Variants in SYT5 observed in about 807,000 individuals in gnomAD.
SYT5 encodes the protein synaptotagmin 5, also known as synaptotagmin-5.
In SYT5, 29 loss-of-function variants were observed where a neutral mutation model predicts 36.0. The observed-to-expected ratio is 0.81, with a 90% CI of 0.60 to 1.10. The LOEUF (loss-of-function observed/expected upper bound fraction) is 1.10, where lower values mean the gene tolerates loss of function less well. Among genes scored for constraint, SYT5 ranks in the 50% least tolerant of loss-of-function variants. The probability of loss-of-function intolerance (pLI) is 0.00; values close to 1 mark genes in which losing one functional copy is unlikely to be tolerated. For missense variants in SYT5, 512 were observed against 516.0 expected, an observed-to-expected ratio of 0.99 and a Z score of 0.08; for synonymous variants, 231 against 227.6, an observed-to-expected ratio of 1.02 and a Z score of -0.14.
chr19:55,177,342 G>T (rs1257580051), intron 3 of SYT5: 1 of 152,148 alleles, frequency 6.6e-6, no homozygotes, highest in Non-Finnish European at 1.5e-5. Context: ...ATCTGGATAT[G>T]GGGCCTCAAC....
rs1372755266 is a variant in SYT5 at position 55,173,531 on chromosome 19, G to A, written c.1114C>T (p.His372Tyr). ...ANPRRPIAQWHSLRPPDRVRL... is the reference protein window; with the variant it reads ...ANPRRPIAQWYSLRPPDRVRL... ...ACTCGGTCCGGGGGCCGCAGCGAGTGCCACTGGGCAATGGGCCGCCGCGGG... is the reference window on the plus strand; with the variant it reads ...ACTCGGTCCGGGGGCCGCAGCGAGTACCACTGGGCAATGGGCCGCCGCGGG... Residue 372 changes from histidine (H) to tyrosine (Y), a missense_variant, in exon 9 of 9, where the codon CAC becomes TAC. By Grantham distance (83) the His-to-Tyr change is moderately conservative. Coordinates refer to ENST00000354308, the MANE Select transcript of SYT5 (RefSeq NM_003180.3). This position sits in a 1 kb window ranked among gnomAD's most constrained non-coding sequence, Gnocchi z 5.4. 1 of 1,415,160 alleles carries A rather than the reference G, an allele frequency of 7.1e-7. No individual in the cohort carries two copies. The highest frequency in any genetic ancestry group is 9.2e-7 in the Non-Finnish European group (1 of 1,084,878). 87.7% of individuals were successfully genotyped at this position (1,415,160 alleles called of 1,614,324 possible).
At position 55,173,599 on chromosome 19, in the gene SYT5, G is replaced by A; in HGVS notation, c.1046C>T (p.Ala349Val). The change falls in exon 9 of 9, where the codon GCC (alanine) becomes GTC (valine). Residue 349 changes from alanine to valine, a missense_variant. Coordinates refer to ENST00000354308, the MANE Select transcript of SYT5 (RefSeq NM_003180.3). The surrounding 1 kb of genome is among the most constrained non-coding windows in gnomAD (Gnocchi z 5.4). ...CCAGTGCCGCAGGCCAGCCCCGCCGGCGGCCGCCCCCACGGCCACCCTCCC... is the reference window on the plus strand; with the variant it reads ...CCAGTGCCGCAGGCCAGCCCCGCCGACGGCCGCCCCCACGGCCACCCTCCC... ...AIGRVAVGAA[A>V]GGAGLRHWAD... The A allele has an allele frequency of 6.7e-7, 1 of 1,482,564 alleles. No homozygotes were observed. The highest frequency in any genetic ancestry group is 9.0e-7 in the Non-Finnish European group (1 of 1,117,286). 91.8% of individuals were successfully genotyped at this position (1,482,564 alleles called of 1,614,324 possible). A position where few individuals can be genotyped will look rare whatever the true frequency, so the allele number is the denominator to read the frequency against.
chr19:55,174,151 T>TA (rs2086040588), intron 8 of SYT5: 1 of 206,664 alleles, frequency 4.8e-6, no homozygotes, highest in African/African-American at 2.4e-5. Flanking sequence ...TGGTCCCGCT[T>TA]GGGGGCGGGG....
rs1749540436 is a variant in SYT5 at position 55,175,347 on chromosome 19, G to A, written c.541-8C>T. The A allele has an allele frequency of 6.6e-7, 1 of 1,522,948 alleles. No homozygotes were observed. Among genetic ancestry groups the A allele is most frequent in the Non-Finnish European group, 8.8e-7 (1 of 1,139,320 alleles). The allele number at this position is 1,522,948 out of a possible 1,614,324, so 94.3% of individuals were successfully genotyped here. A position where few individuals can be genotyped will look rare whatever the true frequency, so the allele number is the denominator to read the frequency against. On this transcript the variant is annotated splice_region_variant and splice_polypyrimidine_tract_variant and intron_variant, in intron 5 of 8. Transcript: ENST00000354308. The surrounding 1 kb of genome is among the most constrained non-coding windows in gnomAD (Gnocchi z 4.5). ...CAGCTCCACGTAGGGGACCTGGAGT[G>A]CACAGAGAATCCGCAGTAGAGAGCA...
Position 55,175,725 on chromosome 19 carries a change from T to C in SYT5, c.524A>G (p.Glu175Gly). 6.2e-7 allele frequency: 1 copy of C among 1,613,638 alleles called. No homozygotes were observed. The highest frequency in any genetic ancestry group is 8.5e-7 in the Non-Finnish European group (1 of 1,179,982). ...GGAGCTCACCTTGAAGGCGAAGGTC[T>C]CCCCAAAGTGAGGGTTCAGCGTCTG... ...HRQTLNPHFG[E>G]TFAFKVPYVE... The change falls in exon 5 of 9, where the codon GAG (glutamate) becomes GGG (glycine). Residue 175 changes from glutamate to glycine, a missense_variant. Glu to Gly is a moderately conservative substitution (Grantham distance 98). Transcript: ENST00000354308. The surrounding 1 kb of genome is among the most constrained non-coding windows in gnomAD (Gnocchi z 4.5).
In SYT5 at chr19:55,178,275, C is replaced by G; in HGVS notation, c.173G>C (p.Arg58Pro). 4 of 1,610,636 alleles carry G rather than the reference C, an allele frequency of 2.5e-6. No homozygotes were observed. The highest frequency in any genetic ancestry group is 3.4e-6 in the Non-Finnish European group (4 of 1,178,764). The change falls in exon 3 of 9, where the codon CGG becomes CCG. Residue 58 changes from arginine (R) to proline (P), a missense_variant. Coordinates refer to ENST00000354308, the MANE Select transcript of SYT5 (RefSeq NM_003180.3). ...TTGGGCCTGGCTCTTCTTGCCTGTC[C>G]GCCTCCGACAGCTCTTCCGGTAGAG... ...FCLYRKSCRR[R>P]TGKKSQAQAQ...
In SYT5 at chr19:55,174,563, T is replaced by C. The variant is rs201131787; in HGVS notation, c.914A>G (p.Tyr305Cys). 76 of 1,613,992 alleles carry C rather than the reference T, an allele frequency of 4.7e-5. No homozygotes were observed. The highest frequency in any genetic ancestry group is 6.1e-5 in the Non-Finnish European group (72 of 1,179,988). ...TTIKKNTLNPYYNEAFSFEVP... is the reference protein window; with the variant it reads ...TTIKKNTLNPCYNEAFSFEVP... ...CTCGAAGCTGAAAGCTTCGTTGTAA[T>C]AGGGGTTCAGAGTGTTCTTCTTGAT... Residue 305 changes from tyrosine (Y) to cysteine (C), a missense_variant, in exon 8 of 9, where the codon TAT becomes TGT. Physicochemically the swap from Tyr to Cys is radical, Grantham distance 194 (BLOSUM62 -2). Coordinates refer to ENST00000354308, the MANE Select transcript of SYT5 (RefSeq NM_003180.3).
At chr19:55,176,389 A>G (rs2086077744) in intron 3 of SYT5, 2 of 492,304 alleles carry the variant, frequency 4.1e-6, no homozygotes, top group Non-Finnish European at 7.3e-6. Context: ...AGATTAAAAC[A>G]AGTGCTGATA....
At position 55,179,202 on chromosome 19, in the gene SYT5, T is replaced by A. The variant is rs1408502049; in HGVS notation, c.-45-116A>T. 1.3e-6 allele frequency: 2 copies of A among 1,529,800 alleles called. No individual in the cohort carries two copies. The highest frequency in any genetic ancestry group is 8.7e-7 in the Non-Finnish European group (1 of 1,143,656). 94.8% of individuals were successfully genotyped at this position (1,529,800 alleles called of 1,614,324 possible). On this transcript the variant is annotated intron_variant, in intron 1 of 8. Coordinates refer to ENST00000354308, the MANE Select transcript of SYT5 (RefSeq NM_003180.3). This position sits in a 1 kb window ranked among gnomAD's most constrained non-coding sequence, Gnocchi z 4.5. ...GCAGAAACCGGACAGCCACCGCGAG[T>A]CATGCTGGGAGTTGTAGTATCAGCC...
Position 55,173,521 on chromosome 19 carries a change from C to T in SYT5, c.1124G>A (p.Arg375Gln), listed in dbSNP as rs1162715552. The T allele has an allele frequency of 4.3e-6, 6 of 1,405,706 alleles. No homozygotes were observed. The East Asian group carries it at 1.5e-4, about 35-fold the overall frequency. 87.1% of individuals were successfully genotyped at this position (1,405,706 alleles called of 1,614,324 possible). ...RRPIAQWHSLRPPDRVRLLPA... is the reference protein window; with the variant it reads ...RRPIAQWHSLQPPDRVRLLPA... The stretch of plus-strand genomic sequence containing the variant: ...CAGCAGCCTCACTCGGTCCGGGGGC[C>T]GCAGCGAGTGCCACTGGGCAATGGG... The change falls in exon 9 of 9, where the codon CGG becomes CAG. Residue 375 changes from arginine (R) to glutamine (Q), a missense_variant. Coordinates refer to ENST00000354308, the MANE Select transcript of SYT5 (RefSeq NM_003180.3). The surrounding 1 kb of genome is among the most constrained non-coding windows in gnomAD (Gnocchi z 5.4).
At chr19:55,177,490 A>G (rs2086089575) in intron 3 of SYT5, 1 of 152,142 alleles carries the variant, frequency 6.6e-6, no homozygotes, top group Non-Finnish European at 1.5e-5. Flanking sequence ...CCTACTGTAA[A>G]TATGTCCCAT....
At chr19:55,174,276 C>G (rs975686978) in intron 8 of SYT5, among the ~76,000 whole-genome samples, 3 of 151,786 alleles carry the variant, frequency 2.0e-5, no homozygotes, top group Admixed American at 6.6e-5. Flanking sequence ...GCATCTGGTA[C>G]TGCTTAGGGG....
intron 2 of SYT5, 130 bp downstream of exon 2, chr19:55,178,833 G>A (rs566544665): frequency 2.1e-6 from 2 of 954,660 alleles, no homozygotes; most frequent in South Asian, 2.7e-5. Flanking sequence ...TTCCAGTCCA[G>A]GATGACGACC....
In SYT5 at chr19:55,175,332, T is replaced by A. The variant is rs1446923812; in HGVS notation, c.548A>T (p.Tyr183Phe). 6.5e-7 allele frequency: 1 copy of A among 1,539,296 alleles called. No homozygotes were observed. The highest frequency in any genetic ancestry group is 2.3e-5 in the East Asian group (1 of 44,178). Residue 183 changes from tyrosine to phenylalanine, a missense_variant, in exon 6 of 9, where the codon TAC (tyrosine) becomes TTC (phenylalanine). Physicochemically the swap from Tyr to Phe is conservative, Grantham distance 22 (BLOSUM62 3). Coordinates refer to ENST00000354308, the MANE Select transcript of SYT5 (RefSeq NM_003180.3). The surrounding 1 kb of genome is among the most constrained non-coding windows in gnomAD (Gnocchi z 4.5). Reference protein sequence around the residue: ...FGETFAFKVPYVELGGRVLVM... With the variant: ...FGETFAFKVPFVELGGRVLVM... ...CAGCACCCTGCCCCCCAGCTCCACGTAGGGGACCTGGAGTGCACAGAGAAT... is the reference window on the plus strand; with the variant it reads ...CAGCACCCTGCCCCCCAGCTCCACGAAGGGGACCTGGAGTGCACAGAGAAT...
Position 55,173,182 on chromosome 19 carries a change from G to A in SYT5, c.*302C>T. ...AGAGAGAGGAGAGCAGACGAGGATG[G>A]CTGATTGTCAAAGCAGGGGGCAGGA... On this transcript the variant is annotated 3_prime_UTR_variant, in exon 9 of 9. Coordinates refer to ENST00000354308, the MANE Select transcript of SYT5 (RefSeq NM_003180.3). This position sits in a 1 kb window ranked among gnomAD's most constrained non-coding sequence, Gnocchi z 5.4. 1 of 347,984 alleles carries A rather than the reference G, an allele frequency of 2.9e-6. No individual in the cohort carries two copies. 21.6% of individuals were successfully genotyped at this position (347,984 alleles called of 1,614,324 possible).
At position 55,178,847 on chromosome 19, in the gene SYT5, G is replaced by A. The variant is rs1486284323; in HGVS notation, c.79+116C>T. ...ATTCCAGTCCAGGATGACGACCCGG[G>A]ATCCCAGCCGGATTTTCCAGCCCGC... On this transcript the variant is annotated intron_variant, in intron 2 of 8. Coordinates refer to ENST00000354308, the MANE Select transcript of SYT5 (RefSeq NM_003180.3). The A allele has an allele frequency of 2.4e-5, 27 of 1,112,372 alleles. No homozygotes were observed. In the South Asian group the frequency reaches 3.9e-4, roughly 16 times the overall value. 68.9% of individuals were successfully genotyped at this position (1,112,372 alleles called of 1,614,324 possible).
chr19:55,178,857 G>T, intron 2 of SYT5, 106 bp downstream of exon 2: 4 of 1,145,642 alleles, frequency 3.5e-6, no homozygotes, highest in Non-Finnish European at 4.3e-6. Context: ...GATCCCAGCC[G>T]GATTTTCCAG....
In SYT5 at chr19:55,173,450, G is replaced by A; in HGVS notation, c.*34C>T. ...CTCGGGAGTCTGGGGTCAGGGGCTA[G>A]AGTCCAGGCTTGGCCGGGGGCTTGG... On this transcript the variant is annotated 3_prime_UTR_variant, in exon 9 of 9. Coordinates refer to ENST00000354308, the MANE Select transcript of SYT5 (RefSeq NM_003180.3). This position sits in a 1 kb window ranked among gnomAD's most constrained non-coding sequence, Gnocchi z 5.4. 1 of 1,330,188 alleles carries A rather than the reference G, an allele frequency of 7.5e-7. No individual in the cohort carries two copies. Among genetic ancestry groups the A allele is most frequent in the Non-Finnish European group, 9.6e-7 (1 of 1,040,996 alleles). 82.4% of individuals were successfully genotyped at this position (1,330,188 alleles called of 1,614,324 possible). A position where few individuals can be genotyped will look rare whatever the true frequency, so the allele number is the denominator to read the frequency against.
At position 55,175,153 on chromosome 19, in the gene SYT5, C is replaced by G; in HGVS notation, c.708+19G>C. The G allele has an allele frequency of 1.3e-6, 2 of 1,580,058 alleles. No homozygotes were observed. The highest frequency in any genetic ancestry group is 1.7e-6 in the Non-Finnish European group (2 of 1,167,604). On this transcript the variant is annotated intron_variant, in intron 6 of 8. Transcript: ENST00000354308. The surrounding 1 kb of genome is among the most constrained non-coding windows in gnomAD (Gnocchi z 4.5). ...CTGGGCCTGGGGGCGTGGCTCGGGG[C>G]GCGACCGCGCATGCTCACCTCCTCC... is the stretch of plus-strand genomic sequence containing the variant.
Sources: allele counts gnomAD v4.1 joint callset (sites outside exome capture counted in the v4.1 genomes callset), GRCh38; gene constraint gnomAD v4.1.1; non-coding constraint Gnocchi (gnomAD v3.1); transcripts MANE v1.5; gene names NCBI Gene and HGNC (gene_info 2026-07-23, HGNC 2026-07-21).